DHX32: variants seen among roughly 807,000 people sequenced by gnomAD.
The protein encoded by DHX32 is DEAH-box helicase 32 (putative).
DHX32 carries 51 observed loss-of-function variants against 70.0 expected under a neutral mutation model. That is an observed-to-expected ratio of 0.73 (90% CI 0.58 to 0.92). The LOEUF (loss-of-function observed/expected upper bound fraction) is 0.92, where lower values mean the gene tolerates loss of function less well. Ranked by LOEUF, DHX32 falls within the 40% of genes least tolerant of loss-of-function variation. The pLI, the probability that DHX32 is intolerant of heterozygous loss-of-function variation, is 0.00. For synonymous variants in DHX32, 310 were observed against 315.3 expected, an observed-to-expected ratio of 0.98 and a Z score of 0.18; for missense variants, 762 against 891.8, an observed-to-expected ratio of 0.85 and a Z score of 1.85.
chr10:125,842,848 C>T (rs1286879563), intron 6 of DHX32: 62 of 876,988 alleles, frequency 7.1e-5, no homozygotes, highest in Admixed American at 1.2e-4. Flanking sequence ...TATGTAACAT[C>T]GATAATGATG....
intron 1 of DHX32, among the ~76,000 whole-genome samples, chr10:125,887,491 A>T (rs1195613493): frequency 6.6e-6 from 1 of 152,214 alleles, no homozygotes; most frequent in African/African-American, 2.4e-5. Context: ...ATGGTAAAAA[A>T]GTTGTGATTA....
rs575535418 is a variant in DHX32 at position 125,893,391 on chromosome 10, C to G, written c.-248+2827G>C. On this transcript the variant is annotated intron_variant, in intron 1 of 2. Coordinates refer to the DHX32 transcript ENST00000415732. ...CCCGAGTAGCTGGGACTACGGGCGC[C>G]CGCCACCATGCCCGGCTAATTTTTT... 6.6e-5 allele frequency among the ~76,000 whole-genome samples: 10 copies of G among 152,238 alleles called. No homozygotes were observed. In the South Asian group the frequency reaches 2.1e-3, roughly 32 times the overall value.
rs774523614 is a variant in DHX32 at position 125,841,849 on chromosome 10, G to T, written c.1437C>A (p.Ile479=). ...GATCAAGAGGAAACTCTGACATGATGATTCCAAATTCAGAAAGATTTCCAT... is the reference window on the plus strand; with the variant it reads ...GATCAAGAGGAAACTCTGACATGATTATTCCAAATTCAGAAAGATTTCCAT... ...DNDGNLSEFG[I]IMSEFPLDPQ... The change falls in exon 7 of 11, where the codon ATC becomes ATA. Residue 479 remains isoleucine (I), a synonymous_variant. Coordinates refer to ENST00000284690, the MANE Select transcript of DHX32 (RefSeq NM_018180.3). 6 of 1,613,598 alleles carry T rather than the reference G, an allele frequency of 3.7e-6. No individual in the cohort carries two copies. The African/African-American group carries it at 8.0e-5, about 22-fold the overall frequency.
chr10:125,861,125 G>A (rs1399060874), intron 2 of DHX32, among the ~76,000 whole-genome samples: 1 of 152,102 alleles, frequency 6.6e-6, no homozygotes, highest in African/African-American at 2.4e-5. Context: ...TTCTGAGATT[G>A]CTATCCTTCG....
chr10:125,839,455 T>C (rs766514658), intron 8 of DHX32, among the ~76,000 whole-genome samples: 11 of 151,894 alleles, frequency 7.2e-5, no homozygotes, highest in Non-Finnish European at 1.6e-4. Flanking sequence ...CTGTGGAAAC[T>C]GTTCCTAGTG....
intron 2 of DHX32, among the ~76,000 whole-genome samples, chr10:125,865,038 C>T (rs1351414535): frequency 2.1e-5 from 3 of 144,218 alleles, no homozygotes; most frequent in African/African-American, 7.6e-5. Flanking sequence ...AAAATGACTA[C>T]ATTAAAGAAT....
chr10:125,889,782 T>C, intron 1 of DHX32, among the ~76,000 whole-genome samples: 1 of 152,296 alleles, frequency 6.6e-6, no homozygotes, highest in Non-Finnish European at 1.5e-5. Flanking sequence ...GAGTGATTAT[T>C]GCACACCAGA....
At position 125,852,573 on chromosome 10, in the gene DHX32, G is replaced by A. The variant is rs961381093; in HGVS notation, c.1162C>T (p.Arg388Cys). ...GAAGATGAGCCAAGAATCTGCTTGC[G>A]TATCTCTGCCTGGCTCTGGCTGATG... ...QPISQSQAEI[R>C]KQILGSSSSG... is the part of the protein sequence containing the mutation. The change falls in exon 5 of 11, where the codon CGC (arginine) becomes TGC (cysteine). Residue 388 changes from arginine (R) to cysteine (C), a missense_variant. Physicochemically the swap from Arg to Cys is radical, Grantham distance 180. Around this residue, in one of 3 missense-constraint regions of DHX32, gnomAD observed 394 missense variants for 473.1 expected, o/e 0.83. Coordinates refer to ENST00000284690, the MANE Select transcript of DHX32 (RefSeq NM_018180.3). The A allele has an allele frequency of 5.0e-6, 8 of 1,613,686 alleles. No individual in the cohort carries two copies. The highest frequency in any genetic ancestry group is 1.3e-5 in the African/African-American group (1 of 74,882).
chr10:125,860,130 C>T (rs976829713), intron 2 of DHX32, among the ~76,000 whole-genome samples, 155 bp from the exon 3 acceptor site: 2 of 152,010 alleles, frequency 1.3e-5, no homozygotes, highest in Non-Finnish European at 2.9e-5. Flanking sequence ...ATACAATCTA[C>T]AGAATTATAG....
chr10:125,851,920 C>CAA (rs56380138), intron 6 of DHX32, among the ~76,000 whole-genome samples: 57 of 86,720 alleles, frequency 6.6e-4, no homozygotes, highest in African/African-American at 1.3e-3. Context: ...GACCCTGTCT[C>CAA]AAAAAAAAAA....
chr10:125,891,587 T>C (rs1944371517), intron 1 of DHX32, among the ~76,000 whole-genome samples: 1 of 152,210 alleles, frequency 6.6e-6, no homozygotes, highest in Non-Finnish European at 1.5e-5. Context: ...TTTAAAAATG[T>C]TTTAAAAAAT....
chr10:125,840,738 G>A (rs1854853991), intron 8 of DHX32, 109 bp downstream of exon 8: 1 of 1,253,206 alleles, frequency 8.0e-7, no homozygotes. Flanking sequence ...TTGCATTCAA[G>A]TGGCCAGTAG....
chr10:125,883,156 C>G (rs1589718743), upstream of DHX32, among the ~76,000 whole-genome samples: 1 of 152,162 alleles, frequency 6.6e-6, no homozygotes, highest in Non-Finnish European at 1.5e-5. Flanking sequence ...ATCAAGTTTT[C>G]TGAATAGTCT....
chr10:125,850,696 G>A (rs763399356), intron 6 of DHX32, among the ~76,000 whole-genome samples: 18 of 152,080 alleles, frequency 1.2e-4, no homozygotes, highest in Non-Finnish European at 2.5e-4. Flanking sequence ...TTCATGAGGC[G>A]TTGCCTTATC....
chr10:125,857,899 C>A (rs1048356216), intron 3 of DHX32, among the ~76,000 whole-genome samples: 13 of 136,664 alleles, frequency 9.5e-5, no homozygotes, highest in South Asian at 9.3e-4. Context: ...TTTAATTTTT[C>A]ATTTTTTTTT....
At chr10:125,865,026 T>A (rs1486125917) in intron 2 of DHX32, among the ~76,000 whole-genome samples, 1 of 150,038 alleles carries the variant, frequency 6.7e-6, no homozygotes, top group African/African-American at 2.4e-5. Flanking sequence ...TATCTCATTT[T>A]AAAAATGACT....
chr10:125,856,537 G>C (rs1287215828), intron 3 of DHX32, among the ~76,000 whole-genome samples: 1 of 152,242 alleles, frequency 6.6e-6, no homozygotes, highest in African/African-American at 2.4e-5. Context: ...ATTCACAGCA[G>C]GTGTGGTGCT....
chr10:125,853,951 T>C lies in DHX32; in HGVS notation c.1092+10A>G. 6.2e-7 allele frequency: 1 copy of C among 1,612,534 alleles called. No homozygotes were observed. The highest frequency in any genetic ancestry group is 8.5e-7 in the Non-Finnish European group (1 of 1,179,504). On this transcript the variant is annotated intron_variant, in intron 4 of 10. Coordinates refer to ENST00000284690, the MANE Select transcript of DHX32 (RefSeq NM_018180.3). Reference sequence around the variant, plus strand: ...TCAGCAGTCTGTTTAGCCTACTCAATAATAATTACCTTTCTTCTTTCCACA... The same window carrying C: ...TCAGCAGTCTGTTTAGCCTACTCAACAATAATTACCTTTCTTCTTTCCACA...
upstream of DHX32, among the ~76,000 whole-genome samples, chr10:125,882,982 G>C (rs996895880): frequency 6.6e-6 from 1 of 151,998 alleles, no homozygotes; most frequent in Non-Finnish European, 1.5e-5. Flanking sequence ...GATTGCCTTA[G>C]GTAGTATTTC....
Sources: allele counts gnomAD v4.1 joint callset (sites outside exome capture counted in the v4.1 genomes callset), GRCh38; gene constraint gnomAD v4.1.1; regional missense constraint gnomAD v4.1.1; transcripts MANE v1.5; gene names NCBI Gene and HGNC (gene_info 2026-07-23, HGNC 2026-07-21).